The following TIAM2 variants were observed in gnomAD, a reference collection of about 807,000 sequenced individuals.
TIAM2 encodes the protein rho guanine nucleotide exchange factor TIAM2.
In TIAM2, 80 loss-of-function variants were observed where a neutral mutation model predicts 152.9. The observed-to-expected ratio is 0.52, with a 90% CI of 0.44 to 0.63. The LOEUF is 0.63. Ranked by LOEUF, TIAM2 falls within the 30% of genes least tolerant of loss-of-function variation. The pLI, the probability that TIAM2 is intolerant of heterozygous loss-of-function variation, is 0.00. For synonymous variants in TIAM2, 804 were observed against 838.0 expected (o/e 0.96, Z 0.70); for missense variants, 1,965 against 2,120.1 (o/e 0.93, Z 1.44).
intron 14 of TIAM2, among the ~76,000 whole-genome samples, chr6:155,190,646 T>C (rs9384293): frequency 0.067 from 10,264 of 152,352 alleles, 1,256 homozygotes; most frequent in East Asian, 0.62. Flanking sequence ...GATAAAAATC[T>C]ACAGAAGTTC....
chr6:155,129,803 C>T lies in TIAM2; in HGVS notation c.580C>T (p.Pro194Ser), dbSNP rs866403621. The T allele has an allele frequency of 2.5e-6, 4 of 1,613,524 alleles. No homozygotes were observed. In the African/African-American group the frequency reaches 5.3e-5, roughly 22 times the overall value. ...SKVPAEDCSE[P>S]VQLLRYSPTL... ...AGTGCCTGCAGAGGACTGCAGTGAG[C>T]CGGTGCAGCTGCTGAGGTACTCACC... The change falls in exon 4 of 27, where the codon CCG becomes TCG. Residue 194 changes from proline to serine, a missense_variant. Coordinates refer to ENST00000682666, the MANE Select transcript of TIAM2 (RefSeq NM_012454.4). This position sits in a 1 kb window ranked among gnomAD's most constrained non-coding sequence, Gnocchi z 4.8.
chr6:155,100,742 G>A (rs1415661345), intron 2 of TIAM2, among the ~76,000 whole-genome samples: 1 of 152,140 alleles, frequency 6.6e-6, no homozygotes, highest in East Asian at 1.9e-4. Context: ...TACATCTATT[G>A]TTTTACATGA....
intron 9 of TIAM2, among the ~76,000 whole-genome samples, chr6:155,166,744 A>G (rs1050871072): frequency 4.6e-5 from 7 of 152,224 alleles, no homozygotes; most frequent in African/African-American, 1.7e-4. Context: ...CCTGTATTTC[A>G]TGATGCAGGT....
At chr6:155,241,141 G>A (rs566340673) in intron 16 of TIAM2, among the ~76,000 whole-genome samples, 33 of 152,314 alleles carry the variant, frequency 2.2e-4, no homozygotes, top group Non-Finnish European at 3.7e-4. Context: ...GGTTGTCATC[G>A]TGTAGAACTG....
rs140526115 is a variant in TIAM2, at chr6:155,240,532, T to G, written c.3171T>G (p.Ser1057Arg). Residue 1057 changes from serine (S) to arginine (R), a missense_variant and splice_region_variant, in exon 16 of 27, where the codon AGT becomes AGG. By Grantham distance (110) the Ser-to-Arg change is moderately radical (BLOSUM62 -1). Coordinates refer to ENST00000682666, the MANE Select transcript of TIAM2 (RefSeq NM_012454.4). ...HREKMEQTFR[S>R]AEQITALCRS... ...TTCCACCTCTTGTCCTCTCTCAGAG[T>G]GCTGAGCAGATCACTGCACTGTGCA... 6.2e-7 allele frequency: 1 copy of G among 1,609,454 alleles called. No individual in the cohort carries two copies. Among genetic ancestry groups the G allele is most frequent in the Non-Finnish European group, 8.5e-7 (1 of 1,176,910 alleles).
intron 4 of TIAM2, among the ~76,000 whole-genome samples, chr6:155,133,937 G>C (rs567056618): frequency 6.6e-6 from 1 of 151,980 alleles, no homozygotes; most frequent in Non-Finnish European, 1.5e-5. Flanking sequence ...GGCTGGTCTC[G>C]AACTCCCGAC....
chr6:155,066,281 AAG>A (rs1435491604), intron 1 of TIAM2, among the ~76,000 whole-genome samples: 3 of 145,330 alleles, frequency 2.1e-5, no homozygotes, highest in African/African-American at 7.6e-5. Flanking sequence ...CCTCACAATG[AAG>A]ACTCTTCACC....
In TIAM2 at chr6:155,156,718, G is replaced by A. The variant is rs1780126211; in HGVS notation, c.2029-7697G>A. The stretch of plus-strand genomic sequence containing the variant: ...AGCACATGTGATCCTGTGATTGCCA[G>A]ATAAAGTCCCTGATAACCTCTCCCC... On this transcript the variant is annotated intron_variant, in intron 7 of 26. Transcript: ENST00000682666. The surrounding 1 kb of genome is among the most constrained non-coding windows in gnomAD (Gnocchi z 4.4). Among the ~76,000 whole-genome samples, 2 of 152,236 alleles carry A rather than the reference G, an allele frequency of 1.3e-5. No homozygotes were observed. The highest frequency in any genetic ancestry group is 2.1e-4 in the South Asian group (1 of 4,822).
rs754463868 is a variant in TIAM2 at position 155,214,828 on chromosome 6, A to G, written c.3168+3521A>G. ...ATCTTATTTTAATAATACAATAGAT[A>G]TGGGGTCTCACTATGTTGCTGAGGC... On this transcript the variant is annotated intron_variant, in intron 15 of 26. Coordinates refer to ENST00000682666, the MANE Select transcript of TIAM2 (RefSeq NM_012454.4). This position sits in a 1 kb window ranked among gnomAD's most constrained non-coding sequence, Gnocchi z 5.4. Among the ~76,000 whole-genome samples, 3 of 152,174 alleles carry G rather than the reference A, an allele frequency of 2.0e-5. No individual in the cohort carries two copies. Among genetic ancestry groups the G allele is most frequent in the African/African-American group, 7.2e-5 (3 of 41,442 alleles).
rs1018214698 is a variant in TIAM2, at chr6:155,179,550, T to C, written c.2707+94T>C. 10 of 1,118,142 alleles carry C rather than the reference T, an allele frequency of 8.9e-6. No individual in the cohort carries two copies. The African/African-American group carries it at 1.4e-4, about 16-fold the overall frequency. 69.3% of individuals were successfully genotyped at this position (1,118,142 alleles called of 1,614,324 possible). ...TTGGACTTAATTTTTTCCCCTTACA[T>C]TCACATTTTCAGAATATATGACAGT... On this transcript the variant is annotated intron_variant, in intron 12 of 26. Coordinates refer to ENST00000682666, the MANE Select transcript of TIAM2 (RefSeq NM_012454.4).
At chr6:155,002,260 A>G (rs991326745) in intron 1 of TIAM2, among the ~76,000 whole-genome samples, 6 of 152,074 alleles carry the variant, frequency 3.9e-5, no homozygotes, top group African/African-American at 1.4e-4. Flanking sequence ...AAAATACAAA[A>G]ATTAGCTGGG....
intron 9 of TIAM2, among the ~76,000 whole-genome samples, chr6:155,166,321 C>CTTTTTTTTT (rs764098752): frequency 6.9e-6 from 1 of 143,994 alleles, no homozygotes; most frequent in African/African-American, 2.5e-5. Flanking sequence ...CTTTTCTTCT[C>CTTTTTTTTT]TTTTTTTTTT....
At chr6:155,114,014 TTA>T (rs1212954021) in intron 2 of TIAM2, among the ~76,000 whole-genome samples, 868 of 58,858 alleles carry the variant, frequency 0.015, 12 homozygotes, top group Non-Finnish European at 0.019. Flanking sequence ...ATACTTTACT[TTA>T]TATATATATA....
chr6:154,997,264 C>T (rs1351184342), intron 1 of TIAM2, among the ~76,000 whole-genome samples: 1 of 152,154 alleles, frequency 6.6e-6, no homozygotes, highest in Non-Finnish European at 1.5e-5. Context: ...GCTTTTCTTC[C>T]TTATCCGTAG....
Position 155,213,014 on chromosome 6 carries a change from G to C in TIAM2, c.3168+1707G>C, listed in dbSNP as rs1456204043. ...GCCAGGAACCGCTGAGCCCCAAAGA[G>C]GGTGGCATAGCCCTGGTTCTGGGAA... is the stretch of plus-strand genomic sequence containing the variant. On this transcript the variant is annotated intron_variant, in intron 15 of 26. Transcript: ENST00000682666. This position sits in a 1 kb window ranked among gnomAD's most constrained non-coding sequence, Gnocchi z 4.2. Among the ~76,000 whole-genome samples the C allele has an allele frequency of 6.6e-6, 1 of 152,198 alleles. No individual in the cohort carries two copies. Among genetic ancestry groups the C allele is most frequent in the Non-Finnish European group, 1.5e-5 (1 of 68,030 alleles).
intron 14 of TIAM2, among the ~76,000 whole-genome samples, chr6:155,198,586 C>G (rs560520278): frequency 3.6e-5 from 5 of 140,844 alleles, no homozygotes; most frequent in Non-Finnish European, 7.5e-5. Flanking sequence ...CACTTGAACC[C>G]GGGAGGCAGA....
At chr6:155,094,750 T>G (rs1778382550) in intron 2 of TIAM2, among the ~76,000 whole-genome samples, 2 of 151,180 alleles carry the variant, frequency 1.3e-5, no homozygotes, top group Non-Finnish European at 2.9e-5. Flanking sequence ...TTTTTTGTTT[T>G]TTTGTTTTTT....
At chr6:155,177,916 T>C (rs1374872529) in intron 10 of TIAM2, among the ~76,000 whole-genome samples, 2 of 152,200 alleles carry the variant, frequency 1.3e-5, no homozygotes, top group Non-Finnish European at 1.5e-5. Flanking sequence ...GGCTCATGCC[T>C]GTAATCCCAG....
intron 15 of TIAM2, among the ~76,000 whole-genome samples, chr6:155,219,031 TGTTCTTGACCATCTCAGCC>T (rs1781955231): frequency 6.7e-6 from 1 of 149,984 alleles, no homozygotes; most frequent in African/African-American, 2.5e-5. Flanking sequence ...CGCCCACCCG[TGTTCTTGACCATCTCAGCC>T]GCCCACCCGT....
Sources: gnomAD v4.1 joint callset for allele counts (sites outside exome capture counted in the v4.1 genomes callset) on GRCh38, gnomAD v4.1.1 for gene constraint, Gnocchi (gnomAD v3.1) non-coding constraint, MANE v1.5 for transcripts, NCBI Gene and HGNC (gene_info 2026-07-23, HGNC 2026-07-21) for gene names.